The following NDUFAF6 variants were observed in gnomAD, a reference collection of about 807,000 sequenced individuals.
The protein encoded by NDUFAF6 is NADH:ubiquinone oxidoreductase complex assembly factor 6.
A neutral mutation model predicts 40.8 loss-of-function variants in NDUFAF6; 45 were observed. The ratio of observed to expected loss-of-function variants is 1.10; its 90% CI spans 0.87 to 1.42. NDUFAF6 has a LOEUF of 1.42. Ranked by LOEUF, NDUFAF6 falls within the 40% of genes most tolerant of loss-of-function variation. The pLI is 0.00. For missense variants in NDUFAF6, 435 were observed against 418.5 expected (o/e 1.04, Z -0.34); for synonymous variants, 185 against 155.9 (o/e 1.19, Z -1.39).
At chr8:95,001,915 A>G (rs932140980) in intron 2 of NDUFAF6, among the ~76,000 whole-genome samples, 1 of 152,228 alleles carries the variant, frequency 6.6e-6, no homozygotes, top group Non-Finnish European at 1.5e-5. Flanking sequence ...GAGCTAGAAC[A>G]TTGTAAGCTT....
chr8:95,018,205 A>ATTTTTTT (rs34118633), intron 2 of NDUFAF6, among the ~76,000 whole-genome samples: 1 of 145,120 alleles, frequency 6.9e-6, no homozygotes, highest in Non-Finnish European at 1.5e-5. Context: ...ATGCTTGGCT[A>ATTTTTTT]TTTTTTTTTT....
intron 1 of NDUFAF6, among the ~76,000 whole-genome samples, chr8:94,961,000 G>T (rs1173001644): frequency 2.0e-5 from 3 of 152,116 alleles, no homozygotes; most frequent in African/African-American, 7.2e-5. Context: ...ACTCTAAAAG[G>T]CCAGCACATA....
chr8:95,062,050 C>T (rs778361378), downstream of NDUFAF6, among the ~76,000 whole-genome samples: 4 of 151,752 alleles, frequency 2.6e-5, no homozygotes, highest in Non-Finnish European at 4.4e-5. Flanking sequence ...CCAGCTACTC[C>T]GGTGCCTGAG....
intron 1 of NDUFAF6, among the ~76,000 whole-genome samples, chr8:94,922,012 C>CT (rs1047128008): frequency 9.9e-5 from 15 of 151,482 alleles, no homozygotes; most frequent in African/African-American, 3.4e-4. Flanking sequence ...TTGTTTTTTT[C>CT]TTTTTTTTGA....
intron 2 of NDUFAF6, among the ~76,000 whole-genome samples, chr8:95,001,575 G>A (rs1285451093): frequency 2.0e-5 from 3 of 152,124 alleles, no homozygotes; most frequent in Non-Finnish European, 2.9e-5. Flanking sequence ...TGCCATTACT[G>A]CTAAGATTAT....
At chr8:95,112,138 A>C (rs533721493) in intron 4 of NDUFAF6, among the ~76,000 whole-genome samples, 68 of 152,298 alleles carry the variant, frequency 4.5e-4, no homozygotes, top group African/African-American at 1.6e-3. Context: ...GGGGCTTTGC[A>C]TATGTGCTTA....
chr8:94,997,343 C>CACACACACACACACAG (rs1242904810), intron 2 of NDUFAF6, among the ~76,000 whole-genome samples: 12 of 90,570 alleles, frequency 1.3e-4, no homozygotes, highest in South Asian at 4.7e-4. Flanking sequence ...CACACACACA[C>CACACACACACACACAG]AGAGAGAGAG....
intron 2 of NDUFAF6, among the ~76,000 whole-genome samples, chr8:95,082,076 CAAAA>C (rs201300497): frequency 2.0e-5 from 3 of 148,872 alleles, no homozygotes; most frequent in Non-Finnish European, 4.5e-5. Context: ...AAAAAAACAA[CAAAA>C]AAAAAAAAAC....
chr8:95,044,535 C>T (rs1830516656), intron 4 of NDUFAF6: 1 of 150,570 alleles, frequency 6.6e-6, no homozygotes, highest in South Asian at 2.1e-4. Flanking sequence ...TCACTACAAC[C>T]TCCACCTCCC....
At chr8:95,074,194 C>A (rs1832961869) in intron 9 of NDUFAF6, among the ~76,000 whole-genome samples, 1 of 151,648 alleles carries the variant, frequency 6.6e-6, no homozygotes, top group Admixed American at 6.6e-5. Context: ...TTTTAAAATT[C>A]TCTATAATAA....
chr8:95,066,343 G>A (rs1170964780), intron 9 of NDUFAF6, among the ~76,000 whole-genome samples: 1 of 144,812 alleles, frequency 6.9e-6, no homozygotes, highest in Non-Finnish European at 1.5e-5. Flanking sequence ...TGCCTGGGCT[G>A]GGCTCAGGTA....
At chr8:94,974,111 C>T (rs561971744) in intron 1 of NDUFAF6, among the ~76,000 whole-genome samples, 2 of 152,218 alleles carry the variant, frequency 1.3e-5, no homozygotes, top group East Asian at 1.9e-4. Flanking sequence ...CCACCCTGCA[C>T]TGTGGCCATT....
chr8:95,046,828 G>T (rs1257241421), intron 5 of NDUFAF6, among the ~76,000 whole-genome samples, 166 bp from the exon 6 acceptor site: 1 of 152,110 alleles, frequency 6.6e-6, no homozygotes, highest in Non-Finnish European at 1.5e-5. Context: ...GTGGTAAATG[G>T]TCAACTTGTT....
chr8:95,019,120 C>G (rs926044244), intron 2 of NDUFAF6, among the ~76,000 whole-genome samples: 1 of 152,220 alleles, frequency 6.6e-6, no homozygotes, highest in Non-Finnish European at 1.5e-5. Flanking sequence ...AAGCGGTTCT[C>G]CTGCCTCAGC....
Position 94,985,535 on chromosome 8 carries a change from T to A in NDUFAF6, c.-84+4562T>A, listed in dbSNP as rs1302532050. The stretch of plus-strand genomic sequence containing the variant: ...TATATATTTTTTTTTTTTTTTTTTT[T>A]TTTTTTTTTTTTTTTTCTGAGACAG... On this transcript the variant is annotated intron_variant, in intron 2 of 9. Coordinates refer to the NDUFAF6 transcript ENST00000396111. 9.4e-4 allele frequency among the ~76,000 whole-genome samples: 64 copies of A among 68,342 alleles called. 1 individual carries two copies. The highest frequency in any genetic ancestry group is 1.5e-3 in the Non-Finnish European group (52 of 34,488). The allele number at this position is 68,342 out of a possible 152,430, so 44.8% of individuals were successfully genotyped here. A position where few individuals can be genotyped will look rare whatever the true frequency, so the allele number is the denominator to read the frequency against.
At chr8:95,043,388 G>A (rs1237452914) in intron 4 of NDUFAF6, among the ~76,000 whole-genome samples, 1 of 151,882 alleles carries the variant, frequency 6.6e-6, no homozygotes, top group Non-Finnish European at 1.5e-5. Context: ...CGCGCCCTAG[G>A]CAGTGGTTTT....
rs1281906020 is a variant in NDUFAF6, at chr8:95,058,616, TATC to T, written c.*682_*684del. On this transcript the variant is annotated 3_prime_UTR_variant, in exon 9 of 9. Coordinates refer to ENST00000396124, the MANE Select transcript of NDUFAF6 (RefSeq NM_152416.4). ...ACTTCCTCACTCTGTCATTCAGCAT[TATC>T]ATGATCGTGAACAAAATTGTACTGA... 8.7e-7 allele frequency: 1 copy of T among 1,149,026 alleles called. No homozygotes were observed. The highest frequency in any genetic ancestry group is 1.1e-6 in the Non-Finnish European group (1 of 936,624). 71.2% of individuals were successfully genotyped at this position (1,149,026 alleles called of 1,614,324 possible). A position where few individuals can be genotyped will look rare whatever the true frequency, so the allele number is the denominator to read the frequency against.
intron 1 of NDUFAF6, chr8:94,940,927 C>T (rs1457189017): frequency 2.0e-5 from 32 of 1,613,614 alleles, no homozygotes; most frequent in Non-Finnish European, 2.7e-5. Context: ...ACATTTTATT[C>T]AGCCTCTGGA....
At chr8:94,980,629 AG>A (rs1222114607) in intron 1 of NDUFAF6, among the ~76,000 whole-genome samples, 21 of 9,288 alleles carry the variant, frequency 2.3e-3, no homozygotes, top group Admixed American at 4.8e-3. Flanking sequence ...TTTTTTTAGT[AG>A]GGGGGTGGGG....
Sources: allele counts gnomAD v4.1 joint callset (sites outside exome capture counted in the v4.1 genomes callset), GRCh38; gene constraint gnomAD v4.1.1; transcripts MANE v1.5; gene names NCBI Gene and HGNC (gene_info 2026-07-23, HGNC 2026-07-21).